The following RMND1 variants were observed in gnomAD, a reference collection of about 807,000 sequenced individuals.
The protein encoded by RMND1 is required for meiotic nuclear division protein 1 homolog.
A neutral mutation model predicts 54.0 loss-of-function variants in RMND1; 41 were observed. The observed-to-expected ratio is 0.76, with a 90% CI of 0.59 to 0.98. The LOEUF is 0.98. Ranked by LOEUF, RMND1 falls within the 50% of genes least tolerant of loss-of-function variation. The pLI, the probability that RMND1 is intolerant of heterozygous loss-of-function variation, is 0.00. For synonymous variants in RMND1, 183 were observed against 181.7 expected (o/e 1.01, Z -0.06); for missense variants, 457 against 532.0 (o/e 0.86, Z 1.39).
intron 2 of RMND1, among the ~76,000 whole-genome samples, chr6:151,439,059 A>T (rs1780695632): frequency 6.6e-6 from 1 of 152,214 alleles, no homozygotes; most frequent in Non-Finnish European, 1.5e-5. Flanking sequence ...GGTTGCAGTG[A>T]GCCAAAATTG....
intron 2 of RMND1, among the ~76,000 whole-genome samples, chr6:151,439,332 T>TG (rs1183096907): frequency 1.3e-5 from 2 of 152,216 alleles, no homozygotes; most frequent in African/African-American, 4.8e-5. Flanking sequence ...AATTCACCTC[T>TG]GAAAAAGTGG....
chr6:151,425,452 A>G (rs917071723), intron 6 of RMND1, among the ~76,000 whole-genome samples: 1 of 145,410 alleles, frequency 6.9e-6, no homozygotes, highest in Non-Finnish European at 1.5e-5. Context: ...GGATAAGCGT[A>G]CACACACACA....
chr6:151,422,078 TTACTG>T (rs1204159171), intron 8 of RMND1, among the ~76,000 whole-genome samples: 1 of 152,222 alleles, frequency 6.6e-6, no homozygotes, highest in Non-Finnish European at 1.5e-5. Flanking sequence ...GTTCTTAAGT[TTACTG>T]TAGTTTTCTT....
At chr6:151,439,388 A>G (rs2114962898) in intron 2 of RMND1, among the ~76,000 whole-genome samples, 1 of 152,354 alleles carries the variant, frequency 6.6e-6, no homozygotes. Context: ...AAGCTTATGC[A>G]TGAGAGTGCT....
At chr6:151,426,082 G>A (rs547936471) in intron 6 of RMND1, among the ~76,000 whole-genome samples, 53 of 151,960 alleles carry the variant, frequency 3.5e-4, no homozygotes, top group African/African-American at 1.2e-3. Flanking sequence ...CCAAGTAGCT[G>A]GGATCACAGA....
At chr6:151,410,934 T>C (rs1463182666) in intron 10 of RMND1, among the ~76,000 whole-genome samples, 1 of 152,174 alleles carries the variant, frequency 6.6e-6, no homozygotes, top group East Asian at 1.9e-4. Flanking sequence ...TCAGTTCTAG[T>C]TCTTCCTGTA....
At position 151,445,208 on chromosome 6, in the gene RMND1, T is replaced by G. The variant is rs994596196; in HGVS notation, c.504+100A>C. 3.3e-6 allele frequency: 4 copies of G among 1,228,154 alleles called. No homozygotes were observed. In the African/African-American group the frequency reaches 6.1e-5, roughly 19 times the overall value. The allele number at this position is 1,228,154 out of a possible 1,614,324, so 76.1% of individuals were successfully genotyped here. A position where few individuals can be genotyped will look rare whatever the true frequency, so the allele number is the denominator to read the frequency against. ...TTGATGAAGAAGTCTGAGTGACTGC[T>G]AGTTCTCTTACGTTGGCGGTAAGGC... On this transcript the variant is annotated intron_variant, in intron 2 of 11. Transcript: ENST00000444024.
Position 151,427,658 on chromosome 6 carries a change from T to TG in RMND1, c.730-77_730-76insC. 3.2e-6 allele frequency: 3 copies of TG among 923,150 alleles called. No individual in the cohort carries two copies. In the South Asian group the frequency reaches 4.2e-5, roughly 13 times the overall value. 57.2% of individuals were successfully genotyped at this position (923,150 alleles called of 1,614,324 possible). A position where few individuals can be genotyped will look rare whatever the true frequency, so the allele number is the denominator to read the frequency against. ...AAGTATGTTATGATTTTAATGCTTA[T>TG]AACAGTCTTCATTACACTTACAGGC... On this transcript the variant is annotated intron_variant, in intron 5 of 11. Coordinates refer to ENST00000444024, the MANE Select transcript of RMND1 (RefSeq NM_017909.4).
chr6:151,413,280 C>T (rs1779911901), intron 10 of RMND1, among the ~76,000 whole-genome samples: 1 of 152,170 alleles, frequency 6.6e-6, no homozygotes, highest in African/African-American at 2.4e-5. Context: ...TTGAGACAGT[C>T]TCACTCTGTC....
In RMND1 at chr6:151,405,824, T is replaced by C; in HGVS notation, c.1213A>G (p.Lys405Glu). The C allele has an allele frequency of 6.2e-7, 1 of 1,600,594 alleles. No individual in the cohort carries two copies. Among genetic ancestry groups the C allele is most frequent in the South Asian group, 1.1e-5 (1 of 90,698 alleles). The part of the protein sequence containing the change: ...IGRRVKVMNE[K>E]LQHCMELTDL... ...GTTAGTTCCATGCAGTGCTGAAGTTTTTCATTCATGACCTATGTAAGAAAA... is the reference window on the plus strand; with the variant it reads ...GTTAGTTCCATGCAGTGCTGAAGTTCTTCATTCATGACCTATGTAAGAAAA... The change falls in exon 11 of 12, where the codon AAA becomes GAA. Residue 405 changes from lysine (K) to glutamate (E), a missense_variant. By Grantham distance (56) the Lys-to-Glu change is moderately conservative (BLOSUM62 1). Transcript: ENST00000444024.
intron 2 of RMND1, among the ~76,000 whole-genome samples, chr6:151,441,679 C>T (rs1296136017): frequency 6.6e-6 from 1 of 152,102 alleles, no homozygotes; most frequent in Non-Finnish European, 1.5e-5. Context: ...CTGGGTTGAT[C>T]AATGCATCCA....
intron 2 of RMND1, among the ~76,000 whole-genome samples, chr6:151,437,689 A>C (rs1780651513): frequency 6.6e-6 from 1 of 152,186 alleles, no homozygotes; most frequent in Non-Finnish European, 1.5e-5. Flanking sequence ...CCCATTCTGT[A>C]TATTCCTGGT....
chr6:151,412,212 C>A (rs765290758), intron 10 of RMND1, among the ~76,000 whole-genome samples: 1 of 152,084 alleles, frequency 6.6e-6, no homozygotes, highest in Admixed American at 6.6e-5. Context: ...ATGTTAGCCA[C>A]GCTGGCCTTG....
At chr6:151,444,259 C>T (rs536993509) in intron 2 of RMND1, among the ~76,000 whole-genome samples, 8 of 152,276 alleles carry the variant, frequency 5.3e-5, no homozygotes, top group South Asian at 2.1e-4. Flanking sequence ...AATGCCATCT[C>T]GGACACTTAA....
intron 1 of RMND1, among the ~76,000 whole-genome samples, chr6:151,450,890 C>T (rs552267243): frequency 6.6e-6 from 1 of 152,160 alleles, no homozygotes; most frequent in African/African-American, 2.4e-5. Context: ...TCCTGCTAAT[C>T]GGTGACCTTA....
chr6:151,427,639 G>T, intron 5 of RMND1, 57 bp from the exon 6 acceptor site: 2 of 1,113,336 alleles, frequency 1.8e-6, no homozygotes, highest in Non-Finnish European at 2.7e-6. Context: ...GTTCAAGTAT[G>T]TTATGATTTT....
intron 10 of RMND1, among the ~76,000 whole-genome samples, chr6:151,414,364 T>A (rs1429947520): frequency 6.6e-6 from 1 of 151,966 alleles, no homozygotes; most frequent in African/African-American, 2.4e-5. Context: ...ACAGAAACAA[T>A]AGGAAGGACC....
At chr6:151,411,268 A>C (rs1779823938) in intron 10 of RMND1, 2 of 152,214 alleles carry the variant, frequency 1.3e-5, no homozygotes, top group Non-Finnish European at 2.9e-5. Context: ...CCTATAAGAG[A>C]TTTTAAATCT....
intron 10 of RMND1, among the ~76,000 whole-genome samples, chr6:151,415,667 C>T (rs796582851): frequency 1.3e-5 from 2 of 151,768 alleles, no homozygotes; most frequent in African/African-American, 4.8e-5. Context: ...GTGGCGGGTG[C>T]CTGTAGTCCC....
Sources: gnomAD v4.1 joint callset for allele counts (sites outside exome capture counted in the v4.1 genomes callset) on GRCh38, gnomAD v4.1.1 for gene constraint, MANE v1.5 for transcripts, NCBI Gene and HGNC (gene_info 2026-07-23, HGNC 2026-07-21) for gene names.